VWA8: variants seen among roughly 807,000 people sequenced by gnomAD.
VWA8 encodes the protein von Willebrand factor A domain-containing protein 8.
In VWA8, 221 loss-of-function variants were observed where a neutral mutation model predicts 241.5. That is an observed-to-expected ratio of 0.91 (90% confidence interval 0.82 to 1.02). The LOEUF (loss-of-function observed/expected upper bound fraction) is 1.02. Among genes scored for constraint, VWA8 ranks in the 50% least tolerant of loss-of-function variants. The probability of loss-of-function intolerance (pLI) is 0.00; values close to 1 mark genes in which losing one functional copy is unlikely to be tolerated. For synonymous variants in VWA8, 852 were observed against 827.1 expected, an observed-to-expected ratio of 1.03 and a Z score of -0.52; for missense variants, 2,322 against 2,328.7, an observed-to-expected ratio of 1.00 and a Z score of 0.06.
In VWA8 at chr13:41,819,468, G is replaced by A. The variant is rs1024957886; in HGVS notation, c.1701-82C>T. The A allele has an allele frequency of 2.7e-5, 37 of 1,393,888 alleles. No homozygotes were observed. The South Asian group carries it at 2.8e-4, about 11-fold the overall frequency. The allele number at this position is 1,393,888 out of a possible 1,614,324, so 86.3% of individuals were successfully genotyped here. On this transcript the variant is annotated intron_variant, in intron 14 of 44. Coordinates refer to ENST00000379310, the MANE Select transcript of VWA8 (RefSeq NM_015058.2). ...TCATGGTAACTAAAGTCTAGGCAACGTTAGGGCTATCATACTGTTAATAAT... is the reference window on the plus strand; with the variant it reads ...TCATGGTAACTAAAGTCTAGGCAACATTAGGGCTATCATACTGTTAATAAT...
At chr13:41,851,289 G>A (rs1872523467) in intron 12 of VWA8, among the ~76,000 whole-genome samples, 1 of 152,170 alleles carries the variant, frequency 6.6e-6, no homozygotes, top group Non-Finnish European at 1.5e-5. Context: ...CAGATTCTAT[G>A]AGTTTGATTT....
intron 12 of VWA8, among the ~76,000 whole-genome samples, chr13:41,843,704 A>G (rs1252521671): frequency 6.6e-6 from 1 of 151,662 alleles, no homozygotes; most frequent in African/African-American, 2.4e-5. Flanking sequence ...AATGCCTACT[A>G]TGAACACCTC....
At chr13:41,751,266 A>AG (rs1022229374) in intron 21 of VWA8, among the ~76,000 whole-genome samples, 10 of 152,152 alleles carry the variant, frequency 6.6e-5, no homozygotes, top group Non-Finnish European at 1.0e-4. Context: ...AAAATTAAAA[A>AG]GGGGGGGCAG....
Position 41,810,134 on chromosome 13 carries a change from T to C in VWA8, c.2063+1091A>G, listed in dbSNP as rs1296273196. ...CAAGTAAGTGAAGAAAAGGGAACCC[T>C]TGTACACTGTGGGTGGAAATGTAAA... On this transcript the variant is annotated intron_variant, in intron 17 of 44. Transcript: ENST00000379310. Among the ~76,000 whole-genome samples, 3 of 152,162 alleles carry C rather than the reference T, an allele frequency of 2.0e-5. No individual in the cohort carries two copies. The East Asian group carries it at 5.8e-4, about 29-fold the overall frequency.
intron 12 of VWA8, among the ~76,000 whole-genome samples, chr13:41,855,215 G>T (rs1219983400): frequency 2.6e-5 from 4 of 151,296 alleles, no homozygotes; most frequent in Non-Finnish European, 4.4e-5. Context: ...ATTGAGAAGG[G>T]CTGAGCACCA....
intron 15 of VWA8, among the ~76,000 whole-genome samples, chr13:41,818,890 A>T (rs1451082129): frequency 6.6e-6 from 1 of 152,210 alleles, no homozygotes; most frequent in African/African-American, 2.4e-5. Flanking sequence ...GGCCACATTC[A>T]TGGTTCTTAG....
chr13:41,692,494 T>C (rs1165579151), intron 30 of VWA8, among the ~76,000 whole-genome samples: 1 of 152,070 alleles, frequency 6.6e-6, no homozygotes, highest in East Asian at 1.9e-4. Flanking sequence ...TTAGGTATCA[T>C]ACTCACAGTT....
rs1481029597 is a variant in VWA8 at position 41,833,368 on chromosome 13, C to A, written c.1586+3G>T. ...GTGTGTGATTTTTGTGACTCATACC[C>A]ACCTTTGCAATACAGCAAGCGTGCC... On this transcript the variant is annotated splice_donor_region_variant and intron_variant, in intron 13 of 44. Coordinates refer to ENST00000379310, the MANE Select transcript of VWA8 (RefSeq NM_015058.2). The A allele has an allele frequency of 3.1e-6, 5 of 1,604,798 alleles. No homozygotes were observed. In the South Asian group the frequency reaches 5.6e-5, roughly 18 times the overall value.
intron 2 of VWA8, among the ~76,000 whole-genome samples, chr13:41,937,324 G>A (rs572774307): frequency 2.1e-4 from 32 of 152,210 alleles, no homozygotes; most frequent in Middle Eastern, 3.4e-3. Flanking sequence ...CCATAATGTA[G>A]AATCAGTGGG....
intron 12 of VWA8, among the ~76,000 whole-genome samples, chr13:41,838,139 A>C (rs1871826125): frequency 6.6e-6 from 1 of 152,150 alleles, no homozygotes; most frequent in South Asian, 2.1e-4. Flanking sequence ...AGAGAACATA[A>C]ATTTGAGCCT....
intron 21 of VWA8, among the ~76,000 whole-genome samples, chr13:41,749,331 G>A (rs2045635583): frequency 6.6e-6 from 1 of 152,200 alleles, no homozygotes; most frequent in African/African-American, 2.4e-5. Flanking sequence ...AGTTAGAATG[G>A]TGATCATTAA....
At chr13:41,727,433 T>G (rs1199935833) in intron 23 of VWA8, 120 bp from the exon 24 acceptor site, 3 of 906,922 alleles carry the variant, frequency 3.3e-6, no homozygotes, top group Non-Finnish European at 4.6e-6. Flanking sequence ...CTCTAAGATA[T>G]TTGGCTGTGA....
intron 16 of VWA8, among the ~76,000 whole-genome samples, chr13:41,814,471 T>C (rs922935577): frequency 2.6e-5 from 4 of 151,966 alleles, no homozygotes; most frequent in South Asian, 2.1e-4. Context: ...TATTAGAAAA[T>C]AGCAAGAAGC....
chr13:41,934,204 AAC>A (rs1877250470), intron 2 of VWA8, among the ~76,000 whole-genome samples: 1 of 151,878 alleles, frequency 6.6e-6, no homozygotes, highest in Non-Finnish European at 1.5e-5. Context: ...ATGATAAATA[AAC>A]ACAGAAATAG....
At chr13:41,923,079 T>C (rs1041379345) in intron 2 of VWA8, among the ~76,000 whole-genome samples, 3 of 152,190 alleles carry the variant, frequency 2.0e-5, no homozygotes, top group African/African-American at 4.8e-5. Context: ...ATGTGGTACA[T>C]ATACACCATG....
intron 9 of VWA8, among the ~76,000 whole-genome samples, chr13:41,869,170 A>G (rs757553962): frequency 1.3e-5 from 2 of 152,160 alleles, no homozygotes; most frequent in Non-Finnish European, 2.9e-5. Flanking sequence ...TCTTTAAATC[A>G]ATCGAAGTTA....
At chr13:41,932,899 G>A (rs891144577) in intron 2 of VWA8, among the ~76,000 whole-genome samples, 113 of 151,754 alleles carry the variant, frequency 7.4e-4, no homozygotes, top group African/African-American at 2.5e-3. Context: ...CCCAACATCC[G>A]GAATAAGACG....
Position 41,865,795 on chromosome 13 carries a change from T to A in VWA8, c.1366A>T (p.Ile456Phe). Residue 456 changes from isoleucine to phenylalanine, a missense_variant, in exon 12 of 45, where the codon ATC becomes TTC. Coordinates refer to ENST00000379310, the MANE Select transcript of VWA8 (RefSeq NM_015058.2). ...AAGGTATCGGCAAAGTTCTTAGCGA[T>A]CACTGTTTTTCCACAACCCTACAAA... ...IGGKGCGKTV[I>F]AKNFADTLGY... 6.2e-7 allele frequency: 1 copy of A among 1,614,158 alleles called. No individual in the cohort carries two copies. Among genetic ancestry groups the A allele is most frequent in the Non-Finnish European group, 8.5e-7 (1 of 1,180,026 alleles).
chr13:41,878,232 A>G (rs1263134255), intron 9 of VWA8, among the ~76,000 whole-genome samples: 1 of 152,022 alleles, frequency 6.6e-6, no homozygotes, highest in Non-Finnish European at 1.5e-5. Flanking sequence ...TTTTTTCCAA[A>G]TTCAACAATA....
Sources: gnomAD v4.1 joint callset for allele counts (sites outside exome capture counted in the v4.1 genomes callset) on GRCh38, gnomAD v4.1.1 for gene constraint, MANE v1.5 for transcripts, NCBI Gene and HGNC (gene_info 2026-07-23, HGNC 2026-07-21) for gene names.